Variants in RAD21L1 observed in about 807,000 individuals in gnomAD.
RAD21L1 encodes the protein RAD21 cohesin complex component like 1.
In RAD21L1, 47 loss-of-function variants were observed where a neutral mutation model predicts 69.0. That is an observed-to-expected ratio of 0.68 (90% CI 0.54 to 0.87). RAD21L1 has a LOEUF of 0.87. RAD21L1 is among the 40% of genes least tolerant of loss of function. The probability of loss-of-function intolerance (pLI) is 0.00; values close to 1 mark genes in which losing one functional copy is unlikely to be tolerated. For synonymous variants in RAD21L1, 177 were observed against 205.8 expected (o/e 0.86, Z 1.20); for missense variants, 583 against 647.6 (o/e 0.90, Z 1.08).
At chr20:1,248,958 T>C (rs889001415) in intron 13 of RAD21L1, among the ~76,000 whole-genome samples, 1 of 152,172 alleles carries the variant, frequency 6.6e-6, no homozygotes, top group Non-Finnish European at 1.5e-5. Context: ...CATCCTCGTT[T>C]TTAGCATGAT....
intron 7 of RAD21L1, among the ~76,000 whole-genome samples, chr20:1,240,051 C>T (rs7270379): frequency 0.015 from 2,292 of 152,248 alleles, 55 homozygotes; most frequent in African/African-American, 0.052. Flanking sequence ...CCACTGTTTT[C>T]ACATCTGCTG....
Position 1,240,437 on chromosome 20 carries a change from C to T in RAD21L1, c.856+3C>T, listed in dbSNP as rs1398512403. 2 of 1,535,758 alleles carry T rather than the reference C, an allele frequency of 1.3e-6. No homozygotes were observed. Among genetic ancestry groups the T allele is most frequent in the Non-Finnish European group, 1.8e-6 (2 of 1,142,518 alleles). On this transcript the variant is annotated splice_donor_region_variant and intron_variant, in intron 8 of 13. Transcript: ENST00000683101. Reference sequence around the variant, plus strand: ...CCTTGATCCAATTGATATTTCAGGTCAGAGGCATTTACGGTTTTGTTTTAA... The same window carrying T: ...CCTTGATCCAATTGATATTTCAGGTTAGAGGCATTTACGGTTTTGTTTTAA...
intron 2 of RAD21L1, among the ~76,000 whole-genome samples, chr20:1,228,823 A>G (rs78509372): frequency 0.025 from 3,843 of 152,304 alleles, 172 homozygotes; most frequent in African/African-American, 0.089. Context: ...CTAAGGGACA[A>G]AGGCCATATT....
intron 1 of RAD21L1, among the ~76,000 whole-genome samples, chr20:1,226,751 C>CG (rs2087271663): frequency 6.6e-6 from 1 of 152,022 alleles, no homozygotes; most frequent in Non-Finnish European, 1.5e-5. Context: ...GGACGTGGGG[C>CG]GGGAGGGTGC....
chr20:1,243,719 A>T (rs1344146069), intron 10 of RAD21L1, among the ~76,000 whole-genome samples: 1 of 152,162 alleles, frequency 6.6e-6, no homozygotes, highest in Non-Finnish European at 1.5e-5. Flanking sequence ...CCACTTCCTG[A>T]TCACCCTTCC....
intron 13 of RAD21L1, among the ~76,000 whole-genome samples, chr20:1,253,453 T>C (rs1184625571): frequency 2.0e-5 from 3 of 152,132 alleles, no homozygotes; most frequent in South Asian, 4.1e-4. Flanking sequence ...CGTGCCACCA[T>C]GCCCAGCTAA....
At chr20:1,247,158 A>G (rs1223530467) in intron 12 of RAD21L1, among the ~76,000 whole-genome samples, 1 of 152,154 alleles carries the variant, frequency 6.6e-6, no homozygotes, top group African/African-American at 2.4e-5. Flanking sequence ...GCTTCTGTAG[A>G]TGCAGGTTAT....
In RAD21L1 at chr20:1,242,709, C is replaced by T; in HGVS notation, c.947C>T (p.Thr316Ile). Residue 316 changes from threonine to isoleucine, a missense_variant, in exon 9 of 14, where the codon ACT (threonine) becomes ATT (isoleucine). Coordinates refer to ENST00000683101, the MANE Select transcript of RAD21L1 (RefSeq NM_001384355.1). Reference protein sequence around the residue: ...LSSKVIHKQLTSFADTLMVLE... With the variant: ...LSSKVIHKQLISFADTLMVLE... ...AGCAAAGTTATACATAAACAGCTTA[C>T]TTCCTTTGCGGACACACTCATGGTT... The T allele has an allele frequency of 6.4e-7, 1 of 1,551,604 alleles. No homozygotes were observed. The highest frequency in any genetic ancestry group is 8.7e-7 in the Non-Finnish European group (1 of 1,146,872).
intron 5 of RAD21L1, among the ~76,000 whole-genome samples, chr20:1,235,653 T>TGCC (rs2087479224): frequency 6.6e-6 from 1 of 152,174 alleles, no homozygotes; most frequent in South Asian, 2.1e-4. Flanking sequence ...TCTTACTGGC[T>TGCC]ATAACCCCAG....
chr20:1,251,982 C>G (rs901504741), intron 13 of RAD21L1, among the ~76,000 whole-genome samples: 1 of 152,052 alleles, frequency 6.6e-6, no homozygotes, highest in Non-Finnish European at 1.5e-5. Flanking sequence ...TATATCAAAC[C>G]AGAAAAACTT....
At chr20:1,241,505 AT>A (rs780130246) in intron 8 of RAD21L1, among the ~76,000 whole-genome samples, 29 of 149,902 alleles carry the variant, frequency 1.9e-4, no homozygotes, top group East Asian at 1.4e-3. Context: ...ACAGTAAAGC[AT>A]TTTTTTTTTA....
chr20:1,242,634 G>A lies in RAD21L1; in HGVS notation c.872G>A (p.Arg291Lys), dbSNP rs1395851104. 6.4e-7 allele frequency: 1 copy of A among 1,550,790 alleles called. No individual in the cohort carries two copies. The highest frequency in any genetic ancestry group is 8.7e-7 in the Non-Finnish European group (1 of 1,146,252). ...TTATATTTAGACATTGCTGAGAAAAGGAAAGGCAAAAAGAGGAGATTGCTC... is the reference window on the plus strand; with the variant it reads ...TTATATTTAGACATTGCTGAGAAAAAGAAAGGCAAAAAGAGGAGATTGCTC... Reference protein sequence around the residue: ...PIDISDIAEKRKGKKRRLLID... With the variant: ...PIDISDIAEKKKGKKRRLLID... The change falls in exon 9 of 14, where the codon AGG becomes AAG. Residue 291 changes from arginine (R) to lysine (K), a missense_variant. Physicochemically the swap from Arg to Lys is conservative, Grantham distance 26 (BLOSUM62 2). Coordinates refer to ENST00000683101, the MANE Select transcript of RAD21L1 (RefSeq NM_001384355.1).
chr20:1,244,032 C>A lies in RAD21L1; in HGVS notation c.1184-14C>A, dbSNP rs2087671897. The A allele has an allele frequency of 3.2e-6, 5 of 1,545,534 alleles. No homozygotes were observed. Among genetic ancestry groups the A allele is most frequent in the Non-Finnish European group, 4.4e-6 (5 of 1,143,632 alleles). ...TATTTTGGTGAAATTGTCTTTATTT[C>A]CTTGATAATTCAGAGACATCCATGA... On this transcript the variant is annotated splice_polypyrimidine_tract_variant and intron_variant, in intron 10 of 13. Coordinates refer to ENST00000683101, the MANE Select transcript of RAD21L1 (RefSeq NM_001384355.1).
intron 13 of RAD21L1, among the ~76,000 whole-genome samples, chr20:1,251,452 T>A (rs541688885): frequency 4.6e-5 from 7 of 151,750 alleles, no homozygotes; most frequent in Admixed American, 3.3e-4. Context: ...TTTTAGAAAA[T>A]TTTTAAAAAT....
At chr20:1,228,393 T>C in intron 1 of RAD21L1, 29 bp from the exon 2 acceptor site, 1 of 1,265,544 alleles carries the variant, frequency 7.9e-7, no homozygotes, top group Non-Finnish European at 1.0e-6. Flanking sequence ...TGTAATAAAA[T>C]TTTAAATTTC....
chr20:1,245,016 G>A (rs1041507777), intron 11 of RAD21L1, among the ~76,000 whole-genome samples: 1 of 152,148 alleles, frequency 6.6e-6, no homozygotes, highest in Non-Finnish European at 1.5e-5. Context: ...ATTTGTTAAA[G>A]TGTACCTACC....
chr20:1,244,184 A>G lies in RAD21L1; in HGVS notation c.1308+14A>G. On this transcript the variant is annotated intron_variant, in intron 11 of 13. Transcript: ENST00000683101. ...ATTAACTCTGAGGTAAGTTATCCAG[A>G]GAGAATCGTAAAAATATTTTATTTT... 1 of 1,503,030 alleles carries G rather than the reference A, an allele frequency of 6.7e-7. No homozygotes were observed. Among genetic ancestry groups the G allele is most frequent in the Non-Finnish European group, 9.0e-7 (1 of 1,113,308 alleles). 93.1% of individuals were successfully genotyped at this position (1,503,030 alleles called of 1,614,324 possible).
chr20:1,250,571 G>A (rs2087808768), intron 13 of RAD21L1, among the ~76,000 whole-genome samples: 1 of 152,168 alleles, frequency 6.6e-6, no homozygotes, highest in African/African-American at 2.4e-5. Flanking sequence ...ATTCCATGGT[G>A]TATATATGCC....
intron 12 of RAD21L1, among the ~76,000 whole-genome samples, chr20:1,247,892 C>A (rs2087748179): frequency 6.6e-6 from 1 of 151,924 alleles, no homozygotes; most frequent in South Asian, 2.1e-4. Flanking sequence ...TCCCTTCCCC[C>A]AACCCTTTGT....
Sources: allele counts gnomAD v4.1 joint callset (sites outside exome capture counted in the v4.1 genomes callset), GRCh38; gene constraint gnomAD v4.1.1; transcripts MANE v1.5; gene names NCBI Gene and HGNC (gene_info 2026-07-23, HGNC 2026-07-21).